Variants in BCL11A observed in about 807,000 individuals in gnomAD.
BCL11A encodes the protein BCL11 transcription factor A, also known as B cell CLL/lymphoma 11A.
BCL11A carries 2 observed loss-of-function variants against 55.9 expected under a neutral mutation model. The ratio of observed to expected loss-of-function variants is 0.04; its 90% CI spans 0.01 to 0.11. The LOEUF is 0.11. Among genes scored for constraint, BCL11A ranks in the 10% least tolerant of loss-of-function variants. The probability of loss-of-function intolerance (pLI) is 1.00; values close to 1 mark genes in which losing one functional copy is unlikely to be tolerated. For missense variants in BCL11A, 817 were observed against 1,137.1 expected (o/e 0.72, Z 4.05); for synonymous variants, 465 against 473.4 (o/e 0.98, Z 0.23).
At chr2:60,521,101 TCACACACA>T (rs10607148) in intron 2 of BCL11A, among the ~76,000 whole-genome samples, 1 of 26,608 alleles carries the variant, frequency 3.8e-5, no homozygotes, top group African/African-American at 8.6e-5. Context: ...ACACACACAC[TCACACACA>T]CACACACACA....
chr2:60,468,041 GTGATGGTAC>G (rs1676968389), intron 3 of BCL11A, among the ~76,000 whole-genome samples: 1 of 147,404 alleles, frequency 6.8e-6, no homozygotes, highest in Admixed American at 6.7e-5. Context: ...GGTGATGGTG[GTGATGGTAC>G]TGGTGGTGAT....
chr2:60,494,591 A>G (rs1359968677), intron 2 of BCL11A, among the ~76,000 whole-genome samples: 1 of 152,320 alleles, frequency 6.6e-6, no homozygotes, highest in East Asian at 1.9e-4. Context: ...GTGATGACAA[A>G]TAACTCCTAG....
chr2:60,530,570 A>G (rs1669404511), intron 2 of BCL11A, among the ~76,000 whole-genome samples: 1 of 151,612 alleles, frequency 6.6e-6, no homozygotes, highest in African/African-American at 2.4e-5. Context: ...ACTGGTTCAG[A>G]GGAGGGAAAA....
chr2:60,535,434 T>G (rs1669625881), intron 2 of BCL11A: 1 of 152,190 alleles, frequency 6.6e-6, no homozygotes, highest in Admixed American at 6.5e-5. Flanking sequence ...GAGCCAAACC[T>G]ATCTCTAAAC....
Position 60,468,823 on chromosome 2 carries a change from CAGA to C in BCL11A, c.393_395del (p.Leu132del), listed in dbSNP as rs774001524. On this transcript the variant is annotated inframe_deletion, in exon 3 of 4. Transcript: ENST00000642384. ...GAGGGGAGGAGAGGCCCCTCCAGTG[CAGA>C]AGTTTATCTGTGAAAGAAACCCAAA... 3.0e-5 allele frequency: 48 copies of C among 1,606,968 alleles called. No homozygotes were observed. Among genetic ancestry groups the C allele is most frequent in the Non-Finnish European group, 3.9e-5 (46 of 1,178,102 alleles).
chr2:60,519,950 T>G (rs1167425595), intron 2 of BCL11A, among the ~76,000 whole-genome samples: 1 of 152,190 alleles, frequency 6.6e-6, no homozygotes, highest in African/African-American at 2.4e-5. Context: ...AGTTTGCACC[T>G]AGTTATTCTC....
intron 1 of BCL11A, among the ~76,000 whole-genome samples, chr2:60,551,933 G>T (rs1026322196): frequency 2.0e-5 from 3 of 152,044 alleles, no homozygotes; most frequent in Non-Finnish European, 4.4e-5. Flanking sequence ...CCGCACACGC[G>T]GTGCTTGTAA....
At chr2:60,491,735 G>A (rs1678651401) in intron 2 of BCL11A, among the ~76,000 whole-genome samples, 1 of 151,460 alleles carries the variant, frequency 6.6e-6, no homozygotes, top group Non-Finnish European at 1.5e-5. Context: ...TCTCCAGGCT[G>A]GGCTGACTGC....
chr2:60,460,563 G>A lies in BCL11A; in HGVS notation c.2349C>T (p.Ser783=), dbSNP rs771009553. Residue 783 remains serine (S), a synonymous_variant, in exon 4 of 4, where the codon AGC becomes AGT. Coordinates refer to ENST00000642384, the MANE Select transcript of BCL11A (RefSeq NM_022893.4). The part of the protein sequence containing the change: ...ELCNYACAQS[S]KLTRHMKTHG... The stretch of plus-strand genomic sequence containing the variant: ...GCGTTTTCATGTGCCTGGTGAGCTT[G>A]CTACTCTGGGCACAGGCATAGTTGC... 6.2e-7 allele frequency: 1 copy of A among 1,614,108 alleles called. No homozygotes were observed. Among genetic ancestry groups the A allele is most frequent in the Admixed American group, 1.7e-5 (1 of 60,030 alleles).
intron 2 of BCL11A, among the ~76,000 whole-genome samples, chr2:60,503,030 C>A (rs1267983387): frequency 7.2e-5 from 11 of 152,180 alleles, no homozygotes; most frequent in Non-Finnish European, 1.3e-4. Context: ...TGGCTTGGAG[C>A]AAAACCAACG....
At chr2:60,495,541 T>G (rs1678896518) in intron 2 of BCL11A, 1 of 152,204 alleles carries the variant, frequency 6.6e-6, no homozygotes, top group Non-Finnish European at 1.5e-5. Context: ...CATCAGTACC[T>G]CAGAGTAGAA....
At chr2:60,478,899 G>T (rs1485072704) in intron 2 of BCL11A, among the ~76,000 whole-genome samples, 1 of 151,986 alleles carries the variant, frequency 6.6e-6, no homozygotes, top group East Asian at 1.9e-4. Context: ...CCCAGCCTCA[G>T]TCCTCATCTC....
At chr2:60,534,907 G>A (rs1166244935) in intron 2 of BCL11A, 4 of 152,156 alleles carry the variant, frequency 2.6e-5, no homozygotes, top group Non-Finnish European at 5.9e-5. Flanking sequence ...TTTTAATCTT[G>A]AGAAGAAAAA....
intron 2 of BCL11A, among the ~76,000 whole-genome samples, chr2:60,524,193 C>T (rs1669110855): frequency 6.6e-6 from 1 of 152,214 alleles, no homozygotes; most frequent in Non-Finnish European, 1.5e-5. Context: ...GTCCTAGCGG[C>T]AGCTTCCTAT....
chr2:60,497,237 A>C (rs1284827953), intron 2 of BCL11A, among the ~76,000 whole-genome samples: 1 of 152,248 alleles, frequency 6.6e-6, no homozygotes, highest in Non-Finnish European at 1.5e-5. Flanking sequence ...TGAGCTAGAG[A>C]AACATTCCAT....
chr2:60,548,178 A>T (rs1670236226), intron 1 of BCL11A, among the ~76,000 whole-genome samples: 1 of 152,190 alleles, frequency 6.6e-6, no homozygotes. Context: ...GATTTTAAGT[A>T]CACATTGATA....
At chr2:60,476,214 G>C (rs1677586510) in intron 2 of BCL11A, among the ~76,000 whole-genome samples, 2 of 152,204 alleles carry the variant, frequency 1.3e-5, no homozygotes, top group South Asian at 4.1e-4. Flanking sequence ...TAGGCTTAGA[G>C]AGTGAGCCTG....
intron 2 of BCL11A, among the ~76,000 whole-genome samples, chr2:60,523,353 A>C (rs1669074698): frequency 6.6e-6 from 1 of 152,248 alleles, no homozygotes; most frequent in African/African-American, 2.4e-5. Flanking sequence ...TGTGAACAAC[A>C]GACTTTCAGA....
intron 2 of BCL11A, chr2:60,535,192 T>C (rs990280914): frequency 6.6e-6 from 1 of 152,244 alleles, no homozygotes; most frequent in Non-Finnish European, 1.5e-5. Context: ...CTTTGAAGAT[T>C]AAAGAAGTGC....
Sources: allele counts gnomAD v4.1 joint callset (sites outside exome capture counted in the v4.1 genomes callset), GRCh38; gene constraint gnomAD v4.1.1; transcripts MANE v1.5; gene names NCBI Gene and HGNC (gene_info 2026-07-23, HGNC 2026-07-21).